MPRIP: variants seen among roughly 807,000 people sequenced by gnomAD.
MPRIP encodes myosin phosphatase Rho interacting protein, also known as myosin phosphatase Rho-interacting protein.
MPRIP carries 59 observed loss-of-function variants against 234.9 expected under a neutral mutation model. That is an observed-to-expected ratio of 0.25 (90% CI 0.20 to 0.31). The LOEUF (loss-of-function observed/expected upper bound fraction) is 0.31, where lower values mean the gene tolerates loss of function less well. MPRIP is among the 10% of genes least tolerant of loss of function. The pLI is 1.00. For synonymous variants in MPRIP, 1,144 were observed against 1,263.9 expected (o/e 0.91, Z 2.01); for missense variants, 2,436 against 3,071.0 (o/e 0.79, Z 4.89).
chr17:17,121,389 C>T (rs538655564), intron 3 of MPRIP, among the ~76,000 whole-genome samples: 3 of 152,328 alleles, frequency 2.0e-5, no homozygotes, highest in Non-Finnish European at 2.9e-5. Context: ...CATCGTTGTG[C>T]GGTGCATGAC....
chr17:17,179,901 C>A lies in MPRIP; in HGVS notation c.7121-102C>A, dbSNP rs564587328. 2.5e-4 allele frequency: 224 copies of A among 911,254 alleles called. 4 individuals carry two copies. The South Asian group carries it at 3.3e-3, about 13-fold the overall frequency. 56.4% of individuals were successfully genotyped at this position (911,254 alleles called of 1,614,324 possible). On this transcript the variant is annotated intron_variant, in intron 22 of 23. Coordinates refer to ENST00000651222, the MANE Select transcript of MPRIP (RefSeq NM_001364716.4). ...TGTTTAAGGAATTGTCCTAAGTATG[C>A]TGCAGTAGGAAGCTTGGGAAATGTT...
rs369277974 is a variant in MPRIP at position 17,172,806 on chromosome 17, G to T, written c.6581G>T (p.Arg2194Leu). 55 of 1,611,940 alleles carry T rather than the reference G, an allele frequency of 3.4e-5. No individual in the cohort carries two copies. The highest frequency in any genetic ancestry group is 2.2e-5 in the East Asian group (1 of 44,888). Residue 2194 changes from arginine to leucine, a missense_variant, in exon 18 of 24, where the codon CGC (arginine) becomes CTC (leucine). By Grantham distance (102) the Arg-to-Leu change is moderately radical. This residue lies in a region of MPRIP where 1,998 missense variants were observed against 2,520.3 expected (regional missense o/e 0.79). Coordinates refer to ENST00000651222, the MANE Select transcript of MPRIP (RefSeq NM_001364716.4). ...SVNSDVEALR[R>L]QYLEELQSVQ... ...AACTCGGATGTTGAGGCCCTGCGGC[G>T]CCAGTACCTGTAAGTGGCTGGGCCT...
chr17:17,106,708 A>G (rs1314916924), intron 3 of MPRIP, among the ~76,000 whole-genome samples: 2 of 152,200 alleles, frequency 1.3e-5, no homozygotes, highest in South Asian at 2.1e-4. Context: ...ACACAAGGAA[A>G]AAAGACGCCA....
Position 17,131,613 on chromosome 17 carries a change from C to T in MPRIP, c.420-4C>T. 6.2e-7 allele frequency: 1 copy of T among 1,613,982 alleles called. No homozygotes were observed. The highest frequency in any genetic ancestry group is 8.5e-7 in the Non-Finnish European group (1 of 1,179,840). On this transcript the variant is annotated splice_polypyrimidine_tract_variant and splice_region_variant and intron_variant, in intron 4 of 23. Transcript: ENST00000651222. ...CTGGTACTTGTCTCCTTTTCTCTTC[C>T]CAGGTGGCTGGAGATGCTCATGGTC... is the stretch of plus-strand genomic sequence containing the variant.
chr17:17,184,038 C>T (rs529600994), intron 23 of MPRIP, among the ~76,000 whole-genome samples: 2 of 152,346 alleles, frequency 1.3e-5, no homozygotes, highest in African/African-American at 4.8e-5. Context: ...CTGGAATGCC[C>T]TTCATTTCCA....
rs1369296873 is a variant in MPRIP, at chr17:17,164,098, G to T, written c.2518-11G>T. 6.1e-6 allele frequency: 8 copies of T among 1,303,642 alleles called. No individual in the cohort carries two copies. The highest frequency in any genetic ancestry group is 8.1e-6 in the Non-Finnish European group (8 of 988,742). 80.8% of individuals were successfully genotyped at this position (1,303,642 alleles called of 1,614,324 possible). A position where few individuals can be genotyped will look rare whatever the true frequency, so the allele number is the denominator to read the frequency against. ...AGTGTTACTAACCAGTATTTAATCG[G>T]TTTTTTTAAGACTGAAGTGGCCGCC... On this transcript the variant is annotated splice_polypyrimidine_tract_variant and intron_variant, in intron 15 of 23. Coordinates refer to ENST00000651222, the MANE Select transcript of MPRIP (RefSeq NM_001364716.4).
rs749491336 is a variant in MPRIP, at chr17:17,164,269, G to A, written c.2678G>A (p.Arg893Gln). The change falls in exon 16 of 24, where the codon CGG (arginine) becomes CAG (glutamine). Residue 893 changes from arginine to glutamine, a missense_variant. This residue lies in a region of MPRIP where 1,998 missense variants were observed against 2,520.3 expected (regional missense o/e 0.79). Transcript: ENST00000651222. ...RSYGEAKDTI[R>Q]HHEAEIRSLQ... Reference sequence around the variant, plus strand: ...TATGGGGAGGCCAAGGACACGATCCGGCACCACGAGGCTGAGATCCGGAGC... The same window carrying A: ...TATGGGGAGGCCAAGGACACGATCCAGCACCACGAGGCTGAGATCCGGAGC... The A allele has an allele frequency of 3.1e-6, 4 of 1,304,246 alleles. No individual in the cohort carries two copies. The highest frequency in any genetic ancestry group is 2.1e-4 in the Middle Eastern group (1 of 4,698). The allele number at this position is 1,304,246 out of a possible 1,614,324, so 80.8% of individuals were successfully genotyped here.
intron 3 of MPRIP, among the ~76,000 whole-genome samples, chr17:17,110,126 C>A (rs1252584934): frequency 1.3e-5 from 2 of 152,034 alleles, no homozygotes; most frequent in African/African-American, 4.8e-5. Flanking sequence ...TTCCTGGAGA[C>A]CTTGTTGTTA....
Position 17,184,847 on chromosome 17 carries a change from CAAGAACGG to C in MPRIP, c.7232_7239del (p.Gln2411LeufsTer5). ...GAGTCTGAAGGAAGGCCTGACGGTG[CAAGAACGG>C]TTGAAGCTCTTTGAATCCAGGGACT... On this transcript the variant is annotated frameshift_variant, in exon 24 of 24. Transcript: ENST00000651222. LOFTEE classifies it high-confidence loss of function. The C allele has an allele frequency of 6.2e-7, 1 of 1,613,070 alleles. No homozygotes were observed. Among genetic ancestry groups the C allele is most frequent in the Non-Finnish European group, 8.5e-7 (1 of 1,179,356 alleles).
chr17:17,113,885 C>CTTTTTTT (rs1396154528), intron 3 of MPRIP, among the ~76,000 whole-genome samples: 12 of 98,418 alleles, frequency 1.2e-4, no homozygotes, highest in African/African-American at 3.4e-4. Flanking sequence ...CTTTTCTTTT[C>CTTTTTTT]TTTTTTTTTT....
intron 8 of MPRIP, among the ~76,000 whole-genome samples, chr17:17,143,354 G>A (rs1475337818): frequency 6.6e-6 from 1 of 152,220 alleles, no homozygotes; most frequent in African/African-American, 2.4e-5. Flanking sequence ...AAAAGAAAAG[G>A]CTGCTCTATC....
At chr17:17,175,571 G>A (rs2046237767) in intron 20 of MPRIP, among the ~76,000 whole-genome samples, 159 bp downstream of exon 20, 1 of 152,222 alleles carries the variant, frequency 6.6e-6, no homozygotes, top group Non-Finnish European at 1.5e-5. Context: ...AAGGCGGCGA[G>A]GAGCAGTGAG....
chr17:17,144,899 G>T (rs1320828312), intron 9 of MPRIP, among the ~76,000 whole-genome samples: 1 of 152,234 alleles, frequency 6.6e-6, no homozygotes, highest in East Asian at 1.9e-4. Context: ...TCAGAGAGGG[G>T]GCAGGTGGCA....
At chr17:17,054,686 G>A (rs1298129501) in intron 1 of MPRIP, among the ~76,000 whole-genome samples, 1 of 151,094 alleles carries the variant, frequency 6.6e-6, no homozygotes, top group Non-Finnish European at 1.5e-5. Flanking sequence ...CCTCAACATT[G>A]TTATAACAAA....
rs148777785 is a variant in MPRIP, at chr17:17,078,797, A to T, written c.267+721A>T. 6.6e-6 allele frequency among the ~76,000 whole-genome samples: 1 copy of T among 152,198 alleles called. No homozygotes were observed. Among genetic ancestry groups the T allele is most frequent in the South Asian group, 2.1e-4 (1 of 4,828 alleles). Reference sequence around the variant, plus strand: ...GAGATTAGTCTCTCCTAATTAATCTAAAGTAGGACTGCATTCCAAACTTTG... The same window carrying T: ...GAGATTAGTCTCTCCTAATTAATCTTAAGTAGGACTGCATTCCAAACTTTG... On this transcript the variant is annotated intron_variant, in intron 3 of 23. Transcript: ENST00000651222. The surrounding 1 kb of genome is among the most constrained non-coding windows in gnomAD (Gnocchi z 4.3).
rs2046026527 is a variant in MPRIP, at chr17:17,167,421, C to T, written c.5830C>T (p.Leu1944=). 2 of 1,304,118 alleles carry T rather than the reference C, an allele frequency of 1.5e-6. No homozygotes were observed. Among genetic ancestry groups the T allele is most frequent in the South Asian group, 2.5e-5 (2 of 81,034 alleles). The allele number at this position is 1,304,118 out of a possible 1,614,324, so 80.8% of individuals were successfully genotyped here. Residue 1944 remains leucine (L), a synonymous_variant, in exon 16 of 24, where the codon CTG becomes TTG. Transcript: ENST00000651222. This position sits in a 1 kb window ranked among gnomAD's most constrained non-coding sequence, Gnocchi z 5.9. ...ESKHSMSMFT[L]RGRYEEEIRC... is the part of the protein sequence containing the mutation. ...CAAGCACAGCATGAGCATGTTCACC[C>T]TGCGGGGCAGGTATGAGGAGGAGAT... is the stretch of plus-strand genomic sequence containing the variant.
Position 17,142,565 on chromosome 17 carries a change from G to GCTCACTGCCACCTCACAGCTCAC in MPRIP, c.1251-46_1251-24dup. ...GCCAGGCCGGGCATGGGAGGAGTCG[G>GCTCACTGCCACCTCACAGCTCAC]CTCACTGCCACCTCACAGCTCACCT... On this transcript the variant is annotated intron_variant, in intron 7 of 23. Transcript: ENST00000651222. 4 of 1,582,614 alleles carry GCTCACTGCCACCTCACAGCTCAC rather than the reference G, an allele frequency of 2.5e-6. No homozygotes were observed. The Admixed American group carries it at 5.1e-5, about 20-fold the overall frequency.
At chr17:17,172,204 G>A (rs932989168) in intron 17 of MPRIP, among the ~76,000 whole-genome samples, 13 of 152,238 alleles carry the variant, frequency 8.5e-5, no homozygotes, top group African/African-American at 2.9e-4. Flanking sequence ...ACCTGTCAAC[G>A]TGGGACCACC....
chr17:17,100,324 C>G (rs1042136183), intron 3 of MPRIP, among the ~76,000 whole-genome samples: 1 of 152,220 alleles, frequency 6.6e-6, no homozygotes, highest in African/African-American at 2.4e-5. Context: ...AGAGGCCAGA[C>G]TCACAGCTCA....
Sources: allele counts gnomAD v4.1 joint callset (sites outside exome capture counted in the v4.1 genomes callset), GRCh38; gene constraint gnomAD v4.1.1; regional missense constraint gnomAD v4.1.1; non-coding constraint Gnocchi (gnomAD v3.1); transcripts MANE v1.5; gene names NCBI Gene and HGNC (gene_info 2026-07-23, HGNC 2026-07-21).